Variants in COL25A1 observed in about 807,000 individuals in gnomAD.
COL25A1 encodes collagen alpha-1(XXV) chain.
A neutral mutation model predicts 128.4 loss-of-function variants in COL25A1; 103 were observed. The ratio of observed to expected loss-of-function variants is 0.80; its 90% CI spans 0.68 to 0.94. COL25A1 has a LOEUF of 0.94. Among genes scored for constraint, COL25A1 ranks in the 40% least tolerant of loss-of-function variants. COL25A1 has a pLI of 0.00. For synonymous variants in COL25A1, 279 were observed against 277.2 expected (o/e 1.01, Z -0.06); for missense variants, 745 against 840.0 (o/e 0.89, Z 1.40).
intron 32 of COL25A1, among the ~76,000 whole-genome samples, chr4:108,829,638 G>A (rs1247975120): frequency 6.6e-6 from 1 of 152,066 alleles, no homozygotes; most frequent in Admixed American, 6.6e-5. Context: ...GAGAATCTTG[G>A]CTTTGTCTTA....
intron 27 of COL25A1, among the ~76,000 whole-genome samples, chr4:108,847,224 T>A (rs1735220935): frequency 6.6e-6 from 1 of 152,084 alleles, no homozygotes; most frequent in African/African-American, 2.4e-5. Context: ...ATAATATTAA[T>A]ATTGACATTA....
intron 35 of COL25A1, among the ~76,000 whole-genome samples, 154 bp from the exon 36 acceptor site, chr4:108,819,483 G>C (rs773637035): frequency 6.6e-6 from 1 of 152,202 alleles, no homozygotes; most frequent in African/African-American, 2.4e-5. Context: ...GTAAAATGGA[G>C]GGAGACATAT....
chr4:109,191,450 G>C (rs1419935385), intron 3 of COL25A1, among the ~76,000 whole-genome samples: 1 of 152,122 alleles, frequency 6.6e-6, no homozygotes, highest in Non-Finnish European at 1.5e-5. Flanking sequence ...AGGGAGCTTG[G>C]CAGCTGCTCA....
intron 3 of COL25A1, among the ~76,000 whole-genome samples, chr4:109,250,940 C>A (rs1279845927): frequency 1.3e-5 from 2 of 152,150 alleles, no homozygotes; most frequent in Non-Finnish European, 2.9e-5. Flanking sequence ...CATGATACAA[C>A]CATTCTGCAT....
chr4:108,992,777 G>A (rs1164980916), intron 6 of COL25A1, among the ~76,000 whole-genome samples: 6 of 151,988 alleles, frequency 3.9e-5, no homozygotes, highest in African/African-American at 1.4e-4. Flanking sequence ...TCATTTAAAT[G>A]GCACTATTTA....
At chr4:109,081,156 T>C (rs1186497135) in intron 3 of COL25A1, among the ~76,000 whole-genome samples, 3 of 152,194 alleles carry the variant, frequency 2.0e-5, no homozygotes, top group East Asian at 1.9e-4. Flanking sequence ...AATTGATTAA[T>C]GTATGTTTTA....
chr4:109,137,465 T>C (rs761042340), intron 3 of COL25A1, among the ~76,000 whole-genome samples: 1 of 152,150 alleles, frequency 6.6e-6, no homozygotes, highest in Non-Finnish European at 1.5e-5. Context: ...CCCTCTCCAC[T>C]TGAGATCCAC....
intron 5 of COL25A1, among the ~76,000 whole-genome samples, chr4:109,010,796 G>A (rs534400972): frequency 6.6e-6 from 1 of 152,242 alleles, no homozygotes; most frequent in South Asian, 2.1e-4. Flanking sequence ...ACAGAGTTAC[G>A]TTTTAAAAAA....
In COL25A1 at chr4:108,861,016, A is replaced by C. The variant is rs771982988; in HGVS notation, c.1198-45T>G. 7 of 1,524,356 alleles carry C rather than the reference A, an allele frequency of 4.6e-6. No homozygotes were observed. In the Admixed American group the frequency reaches 1.2e-4, roughly 25 times the overall value. The allele number at this position is 1,524,356 out of a possible 1,614,324, so 94.4% of individuals were successfully genotyped here. Reference sequence around the variant, plus strand: ...AAAAAACTTAATCAGAAGTGGGGGAATCTAGAAATCTCGTGTAAGAACATG... The same window carrying C: ...AAAAAACTTAATCAGAAGTGGGGGACTCTAGAAATCTCGTGTAAGAACATG... On this transcript the variant is annotated intron_variant, in intron 22 of 37. Coordinates refer to ENST00000399132, the MANE Select transcript of COL25A1 (RefSeq NM_198721.4).
intron 3 of COL25A1, among the ~76,000 whole-genome samples, chr4:109,140,037 G>A (rs553383703): frequency 6.6e-6 from 1 of 152,306 alleles, no homozygotes; most frequent in East Asian, 1.9e-4. Flanking sequence ...ATTCCATGGT[G>A]TATATGTGCC....
chr4:108,870,873 G>C (rs1738625493), intron 19 of COL25A1, among the ~76,000 whole-genome samples: 1 of 152,066 alleles, frequency 6.6e-6, no homozygotes, highest in South Asian at 2.1e-4. Flanking sequence ...ACGGAAACCA[G>C]AATTCTTGTA....
At chr4:108,952,831 CTTTTTTTTTTTTTT>C (rs59761040) in intron 8 of COL25A1, among the ~76,000 whole-genome samples, 1 of 66,958 alleles carries the variant, frequency 1.5e-5, no homozygotes, top group Non-Finnish European at 2.7e-5. Context: ...AAAAACTCAA[CTTTTTTTTTTTTTT>C]TTTTTTTTTT....
chr4:109,082,530 A>C (rs1258902492), intron 3 of COL25A1, among the ~76,000 whole-genome samples: 1 of 152,004 alleles, frequency 6.6e-6, no homozygotes, highest in Non-Finnish European at 1.5e-5. Flanking sequence ...TTTCATGTGC[A>C]TTTTCCTGAT....
intron 24 of COL25A1, among the ~76,000 whole-genome samples, chr4:108,853,445 A>T (rs1368489966): frequency 2.0e-5 from 3 of 151,762 alleles, no homozygotes; most frequent in Non-Finnish European, 4.4e-5. Flanking sequence ...AATTAATCTA[A>T]TTTCCTTTTT....
Position 109,098,312 on chromosome 4 carries a change from A to T in COL25A1, c.368-48133T>A, listed in dbSNP as rs533781514. Among the ~76,000 whole-genome samples, 5 of 152,278 alleles carry T rather than the reference A, an allele frequency of 3.3e-5. No homozygotes were observed. The East Asian group carries it at 5.8e-4, about 18-fold the overall frequency. On this transcript the variant is annotated intron_variant, in intron 3 of 37. Transcript: ENST00000399132. ...CCCTGGATAATCGGACATGTAAGTG[A>T]TGGTTACTTAGAGGTGTTCTGAAAT...
At chr4:109,207,784 A>C (rs1777133402) in intron 3 of COL25A1, among the ~76,000 whole-genome samples, 1 of 152,226 alleles carries the variant, frequency 6.6e-6, no homozygotes, top group African/African-American at 2.4e-5. Context: ...GAAACAAAAG[A>C]AAGTAAACAT....
At chr4:108,819,951 CG>C (rs1731620117) in intron 35 of COL25A1, 1 of 888,976 alleles carries the variant, frequency 1.1e-6, no homozygotes, top group South Asian at 5.7e-5. Context: ...GGGAAAATAA[CG>C]GTAATTCAAA....
At chr4:109,208,494 A>AG (rs1239716917) in intron 3 of COL25A1, among the ~76,000 whole-genome samples, 1 of 151,824 alleles carries the variant, frequency 6.6e-6, no homozygotes, top group South Asian at 2.1e-4. Context: ...AAAAAAAAAA[A>AG]AAACAAATTA....
At chr4:109,123,732 A>G (rs1768324520) in intron 3 of COL25A1, among the ~76,000 whole-genome samples, 1 of 152,102 alleles carries the variant, frequency 6.6e-6, no homozygotes, top group Non-Finnish European at 1.5e-5. Context: ...AAGAATCATG[A>G]TATATATGCA....
Sources: gnomAD v4.1 joint callset for allele counts (sites outside exome capture counted in the v4.1 genomes callset) on GRCh38, gnomAD v4.1.1 for gene constraint, MANE v1.5 for transcripts, NCBI Gene and HGNC (gene_info 2026-07-23, HGNC 2026-07-21) for gene names.